The following CFHR4 variants were observed in gnomAD, a reference collection of about 807,000 sequenced individuals.
The protein encoded by CFHR4 is complement factor H-related protein 4.
In CFHR4, 64 loss-of-function variants were observed where a neutral mutation model predicts 69.3. The ratio of observed to expected loss-of-function variants is 0.92; its 90% CI spans 0.76 to 1.14. CFHR4 has a LOEUF of 1.14. CFHR4 is among the 50% of genes most tolerant of loss of function. The pLI is 0.00. For synonymous variants in CFHR4, 244 were observed against 237.0 expected, an observed-to-expected ratio of 1.03 and a Z score of -0.27; for missense variants, 636 against 684.9, an observed-to-expected ratio of 0.93 and a Z score of 0.80.
chr1:196,901,555 G>A (rs1375915730), intron 1 of CFHR4, among the ~76,000 whole-genome samples: 1 of 151,198 alleles, frequency 6.6e-6, no homozygotes, highest in Non-Finnish European at 1.5e-5. Flanking sequence ...AAGGTTTCTT[G>A]AACAATGATC....
chr1:196,910,280 G>A lies in CFHR4; in HGVS notation c.800-1G>A. 1 of 1,561,216 alleles carries A rather than the reference G, an allele frequency of 6.4e-7. No individual in the cohort carries two copies. Among genetic ancestry groups the A allele is most frequent in the Non-Finnish European group, 8.7e-7 (1 of 1,149,338 alleles). ...ATACTATTTTTGTTTTTTGTTACAA[G>A]CAATGAAACCTTGTGAGTTTCCAGA... On this transcript the variant is annotated splice_acceptor_variant, in intron 5 of 9. Coordinates refer to ENST00000608469, the MANE Select transcript of CFHR4 (RefSeq NM_001201550.3). LOFTEE classifies it high-confidence loss of function.
Position 196,906,857 on chromosome 1 carries a change from T to C in CFHR4, c.440-4T>C. 2 of 1,598,906 alleles carry C rather than the reference T, an allele frequency of 1.3e-6. No homozygotes were observed. Among genetic ancestry groups the C allele is most frequent in the Non-Finnish European group, 1.7e-6 (2 of 1,174,212 alleles). On this transcript the variant is annotated splice_polypyrimidine_tract_variant and splice_region_variant and intron_variant, in intron 3 of 9. Transcript: ENST00000608469. ...AAGCAATCCTCAATTTTATTTTGTTTCAGAATTTTGTGATATGCCTGTTTT... is the reference window on the plus strand; with the variant it reads ...AAGCAATCCTCAATTTTATTTTGTTCCAGAATTTTGTGATATGCCTGTTTT...
At chr1:196,898,179 T>C (rs1259356856) in intron 1 of CFHR4, among the ~76,000 whole-genome samples, 2 of 150,900 alleles carry the variant, frequency 1.3e-5, no homozygotes, top group African/African-American at 4.9e-5. Flanking sequence ...TCTACACACC[T>C]GAAAAGACAA....
intron 6 of CFHR4, 104 bp from the exon 7 acceptor site, chr1:196,912,636 A>T: frequency 7.8e-6 from 10 of 1,284,504 alleles, no homozygotes; most frequent in Non-Finnish European, 1.0e-5. Flanking sequence ...ATTCATTAAC[A>T]AATGTTTCAT....
At chr1:196,905,385 A>G (rs1657855664) in intron 3 of CFHR4, 95 bp downstream of exon 3, 2 of 1,508,486 alleles carry the variant, frequency 1.3e-6, no homozygotes, top group East Asian at 4.6e-5. Flanking sequence ...AAACACTTTT[A>G]GGAGTAAAGA....
chr1:196,902,184 G>A (rs1172179905), intron 1 of CFHR4, among the ~76,000 whole-genome samples: 2 of 151,364 alleles, frequency 1.3e-5, no homozygotes, highest in Admixed American at 1.3e-4. Flanking sequence ...CCAGGGCTAC[G>A]ATATATGTAC....
rs1657050226 is a variant in CFHR4 at position 196,891,716 on chromosome 1, CTT to C, written c.58+3509_58+3510del. ...TTATAAAGAACTTGATATAAAGAAA[CTT>C]GTTTCAAAATTATAAAGAAACATAA... On this transcript the variant is annotated intron_variant, in intron 1 of 9. Transcript: ENST00000608469. 1.3e-5 allele frequency among the ~76,000 whole-genome samples: 2 copies of C among 151,326 alleles called. 1 individual carries two copies. The highest frequency in any genetic ancestry group is 4.9e-5 in the African/African-American group (2 of 41,024).
chr1:196,918,568 T>A lies in CFHR4; in HGVS notation c.*162T>A, dbSNP rs969956901. On this transcript the variant is annotated 3_prime_UTR_variant, in exon 10 of 10. Transcript: ENST00000608469. ...GCAACTTAATATGTTCTCAAAAATA[T>A]GTTAAAACAAACTAAATTATTGCTT... 5.5e-6 allele frequency: 4 copies of A among 728,376 alleles called. No individual in the cohort carries two copies. The African/African-American group carries it at 7.2e-5, about 13-fold the overall frequency. 45.1% of individuals were successfully genotyped at this position (728,376 alleles called of 1,614,324 possible).
chr1:196,900,235 A>G (rs1313238028), intron 1 of CFHR4, among the ~76,000 whole-genome samples: 3 of 150,912 alleles, frequency 2.0e-5, no homozygotes, highest in Non-Finnish European at 4.4e-5. Flanking sequence ...TGAGTCTACA[A>G]TTCACATGGT....
intron 1 of CFHR4, among the ~76,000 whole-genome samples, chr1:196,892,610 C>T (rs1384517541): frequency 1.3e-5 from 2 of 151,142 alleles, no homozygotes; most frequent in East Asian, 3.9e-4. Flanking sequence ...GAGAAAATAG[C>T]TATCACAGCA....
intron 9 of CFHR4, among the ~76,000 whole-genome samples, chr1:196,916,704 C>A (rs1049114951): frequency 1.4e-5 from 2 of 145,034 alleles, no homozygotes; most frequent in Non-Finnish European, 3.0e-5. Context: ...TTCTGAGTCT[C>A]AAATTTGATT....
At chr1:196,894,397 G>A (rs191828437) in intron 1 of CFHR4, among the ~76,000 whole-genome samples, 1 of 151,270 alleles carries the variant, frequency 6.6e-6, no homozygotes, top group African/African-American at 2.4e-5. Flanking sequence ...CCTTTATTGA[G>A]GTCATTATTT....
chr1:196,898,842 A>G (rs952685165), intron 1 of CFHR4, among the ~76,000 whole-genome samples: 1 of 151,460 alleles, frequency 6.6e-6, no homozygotes, highest in African/African-American at 2.4e-5. Flanking sequence ...TCACTCACAC[A>G]GATTTTGGTA....
At chr1:196,904,075 T>C (rs1232871694) in intron 2 of CFHR4, among the ~76,000 whole-genome samples, 1 of 151,626 alleles carries the variant, frequency 6.6e-6, no homozygotes, top group African/African-American at 2.4e-5. Context: ...TCTTACACAT[T>C]CATAGAAGCA....
intron 7 of CFHR4, among the ~76,000 whole-genome samples, chr1:196,913,749 A>AT (rs200758035): frequency 0.021 from 3,135 of 151,518 alleles, 104 homozygotes; most frequent in South Asian, 0.068. Flanking sequence ...CAATTCAACT[A>AT]TTTTTAGCCA....
intron 1 of CFHR4, among the ~76,000 whole-genome samples, chr1:196,899,860 A>C (rs1011799840): frequency 2.0e-5 from 3 of 151,570 alleles, no homozygotes; most frequent in Admixed American, 1.3e-4. Flanking sequence ...CAGTTTTATT[A>C]AATGTTTTAC....
chr1:196,916,464 C>A (rs1238325223), intron 9 of CFHR4, among the ~76,000 whole-genome samples: 1 of 151,792 alleles, frequency 6.6e-6, no homozygotes, highest in Non-Finnish European at 1.5e-5. Context: ...TACCTTTTAC[C>A]TTTCATATTG....
chr1:196,892,759 C>T (rs1268592914), intron 1 of CFHR4, among the ~76,000 whole-genome samples: 2 of 151,212 alleles, frequency 1.3e-5, no homozygotes, highest in Non-Finnish European at 2.9e-5. Context: ...TTCAAAAATG[C>T]CTTTATTATT....
Position 196,907,404 on chromosome 1 carries a change from A to G in CFHR4, c.705A>G (p.Arg235=), listed in dbSNP as rs751250509. ...AAAAAGTGTATCTGCCATGGTCAAGAGTCGAGTACCAGTGCCAGTCCTACT... is the reference window on the plus strand; with the variant it reads ...AAAAAGTGTATCTGCCATGGTCAAGGGTCGAGTACCAGTGCCAGTCCTACT... The part of the protein sequence containing the change: ...FPQKVYLPWS[R]VEYQCQSYYE... The change falls in exon 5 of 10, where the codon AGA becomes AGG. Residue 235 remains arginine, a synonymous_variant. Transcript: ENST00000608469. 2.3e-5 allele frequency: 37 copies of G among 1,611,946 alleles called. 2 individuals are homozygous for G. The highest frequency in any genetic ancestry group is 1.1e-5 in the Non-Finnish European group (13 of 1,179,028).
Sources: gnomAD v4.1 joint callset for allele counts (sites outside exome capture counted in the v4.1 genomes callset) on GRCh38, gnomAD v4.1.1 for gene constraint, MANE v1.5 for transcripts, NCBI Gene and HGNC (gene_info 2026-07-23, HGNC 2026-07-21) for gene names.